The following KIF26B variants were observed in gnomAD, a reference collection of about 807,000 sequenced individuals.
KIF26B encodes the protein kinesin-like protein KIF26B.
In KIF26B, 63 loss-of-function variants were observed where a neutral mutation model predicts 151.2. That is an observed-to-expected ratio of 0.42 (90% confidence interval 0.34 to 0.51). The LOEUF is 0.51. KIF26B is among the 20% of genes least tolerant of loss of function. The probability of loss-of-function intolerance (pLI) is 0.07; values close to 1 mark genes in which losing one functional copy is unlikely to be tolerated. For synonymous variants in KIF26B, 1,357 were observed against 1,262.1 expected (o/e 1.08, Z -1.59); for missense variants, 2,813 against 2,913.6 (o/e 0.97, Z 0.79).
At chr1:245,659,570 T>C (rs1049714603) in intron 10 of KIF26B, among the ~76,000 whole-genome samples, 1 of 152,200 alleles carries the variant, frequency 6.6e-6, no homozygotes, top group African/African-American at 2.4e-5. Context: ...CCGGGTTATT[T>C]TGACAAATTT....
chr1:245,673,267 C>T (rs1172318907), intron 10 of KIF26B, among the ~76,000 whole-genome samples: 1 of 147,192 alleles, frequency 6.8e-6, no homozygotes, highest in African/African-American at 2.6e-5. Context: ...GCGCTGCCAT[C>T]TTAGGCCCAG....
At chr1:245,483,769 G>A (rs1660220219) in intron 4 of KIF26B, among the ~76,000 whole-genome samples, 1 of 151,750 alleles carries the variant, frequency 6.6e-6, no homozygotes. Flanking sequence ...ATTTTTGTCA[G>A]GTTTGGCAGA....
chr1:245,259,516 C>G (rs1169855689), intron 2 of KIF26B, among the ~76,000 whole-genome samples: 2 of 152,164 alleles, frequency 1.3e-5, no homozygotes, highest in Non-Finnish European at 2.9e-5. Context: ...TACTAAAGAA[C>G]AGGGGAGAGA....
At position 245,488,112 on chromosome 1, in the gene KIF26B, A is replaced by G. The variant is rs531476844; in HGVS notation, c.1167-52655A>G. On this transcript the variant is annotated intron_variant, in intron 4 of 14. Coordinates refer to ENST00000407071, the MANE Select transcript of KIF26B (RefSeq NM_018012.4). The surrounding 1 kb of genome is among the most constrained non-coding windows in gnomAD (Gnocchi z 4.6). The stretch of plus-strand genomic sequence containing the variant: ...CATGTATCTTTTTAAGTACAGGTGG[A>G]GGTCTCATTATGTTGCACAGGCTGG... 5.5e-3 allele frequency among the ~76,000 whole-genome samples: 834 copies of G among 152,106 alleles called. 1 individual carries two copies. Among genetic ancestry groups the G allele is most frequent in the Non-Finnish European group, 8.0e-3 (545 of 67,992 alleles).
rs1378160968 is a variant in KIF26B at position 245,280,596 on chromosome 1, CG to C, written c.466-86237del. ...GGAAAAGGGGTCCTTGGGAAGTTTT[CG>C]TTTTTTTTTTTTTTTTTTTTTTATA... On this transcript the variant is annotated intron_variant, in intron 2 of 14. Transcript: ENST00000407071. Among the ~76,000 whole-genome samples the C allele has an allele frequency of 1.5e-4, 10 of 64,570 alleles. 1 individual carries two copies. Among genetic ancestry groups the C allele is most frequent in the South Asian group, 1.2e-3 (2 of 1,726 alleles). The allele number at this position is 64,570 out of a possible 152,430, so 42.4% of individuals were successfully genotyped here.
At chr1:245,348,084 C>T (rs902740340) in intron 2 of KIF26B, among the ~76,000 whole-genome samples, 2 of 152,230 alleles carry the variant, frequency 1.3e-5, no homozygotes. Context: ...AGATCATTCC[C>T]TCCTTCCTGG....
chr1:245,315,795 C>T lies in KIF26B; in HGVS notation c.466-51039C>T, dbSNP rs1027222927. Among the ~76,000 whole-genome samples the T allele has an allele frequency of 7.3e-5, 11 of 151,590 alleles. No individual in the cohort carries two copies. The South Asian group carries it at 1.0e-3, about 14-fold the overall frequency. On this transcript the variant is annotated intron_variant, in intron 2 of 14. Transcript: ENST00000407071. ...TCCCAGATACTCAAGAGGCTGCTGACGTGGGAGGATTACTTGAGCCCCGTA... is the reference window on the plus strand; with the variant it reads ...TCCCAGATACTCAAGAGGCTGCTGATGTGGGAGGATTACTTGAGCCCCGTA...
intron 2 of KIF26B, among the ~76,000 whole-genome samples, chr1:245,312,192 G>A (rs773784823): frequency 2.6e-5 from 4 of 152,044 alleles, no homozygotes; most frequent in Non-Finnish European, 5.9e-5. Context: ...CTCCCTTCCC[G>A]CCAGGTAAAT....
chr1:245,465,485 A>G (rs1302670576), intron 4 of KIF26B, among the ~76,000 whole-genome samples: 3 of 152,080 alleles, frequency 2.0e-5, no homozygotes, highest in Non-Finnish European at 4.4e-5. Flanking sequence ...GCTTAGAGAG[A>G]TTCTATCGAC....
chr1:245,625,886 G>T (rs1007688290), intron 9 of KIF26B, among the ~76,000 whole-genome samples: 1 of 150,040 alleles, frequency 6.7e-6, no homozygotes, highest in East Asian at 2.0e-4. Context: ...TCCCACATAT[G>T]AGTGAGAACA....
Position 245,442,992 on chromosome 1 carries a change from GCGGT to G in KIF26B, c.1166+23249_1166+23252del, listed in dbSNP as rs1659149701. 1.3e-4 allele frequency among the ~76,000 whole-genome samples: 6 copies of G among 45,496 alleles called. 1 individual carries two copies. Among genetic ancestry groups the G allele is most frequent in the African/African-American group, 7.1e-4 (6 of 8,458 alleles). The allele number at this position is 45,496 out of a possible 152,430, so 29.8% of individuals were successfully genotyped here. On this transcript the variant is annotated intron_variant, in intron 4 of 14. Coordinates refer to ENST00000407071, the MANE Select transcript of KIF26B (RefSeq NM_018012.4). ...TCATCTCCCTCACTGTTCACCTAGA[GCGGT>G]CATCTCCCTCACTGTTCACCTAGAG...
At chr1:245,596,631 G>A (rs2043338329) in intron 5 of KIF26B, among the ~76,000 whole-genome samples, 1 of 152,194 alleles carries the variant, frequency 6.6e-6, no homozygotes, top group African/African-American at 2.4e-5. Flanking sequence ...GGGTTGGAGA[G>A]TTCTGTAGAT....
intron 4 of KIF26B, among the ~76,000 whole-genome samples, chr1:245,427,437 C>T (rs992134277): frequency 6.6e-6 from 1 of 152,092 alleles, no homozygotes; most frequent in Non-Finnish European, 1.5e-5. Flanking sequence ...GGAGAAACCC[C>T]GTCTCTACTA....
intron 5 of KIF26B, among the ~76,000 whole-genome samples, chr1:245,573,940 G>A (rs932915987): frequency 9.9e-5 from 15 of 152,186 alleles, no homozygotes; most frequent in Non-Finnish European, 1.9e-4. Flanking sequence ...ACACTACTCA[G>A]AATGGTGTGC....
chr1:245,511,760 T>C (rs1023655369), intron 4 of KIF26B, among the ~76,000 whole-genome samples: 1 of 152,228 alleles, frequency 6.6e-6, no homozygotes, highest in African/African-American at 2.4e-5. Context: ...CATTGCTAGT[T>C]TATACCAGTC....
intron 2 of KIF26B, among the ~76,000 whole-genome samples, chr1:245,327,664 G>A (rs1326089038): frequency 6.6e-6 from 1 of 152,134 alleles, no homozygotes; most frequent in African/African-American, 2.4e-5. Context: ...CCAGAGCTCT[G>A]TGTCCCTGGA....
At chr1:245,465,070 C>T (rs1357539203) in intron 4 of KIF26B, among the ~76,000 whole-genome samples, 1 of 148,178 alleles carries the variant, frequency 6.7e-6, no homozygotes, top group African/African-American at 2.5e-5. Flanking sequence ...GCTCCGCCTC[C>T]CGGGTTCACG....
intron 3 of KIF26B, among the ~76,000 whole-genome samples, chr1:245,389,866 C>A (rs924750781): frequency 1.3e-5 from 2 of 152,186 alleles, no homozygotes; most frequent in Non-Finnish European, 2.9e-5. Context: ...ATTCATCTCC[C>A]TATTTTAACA....
intron 2 of KIF26B, among the ~76,000 whole-genome samples, chr1:245,198,954 G>T: frequency 6.6e-6 from 1 of 152,024 alleles, no homozygotes; most frequent in African/African-American, 2.4e-5. Flanking sequence ...GTCGGGGGAG[G>T]CGGGAGAGTG....
Sources: gnomAD v4.1 joint callset for allele counts (sites outside exome capture counted in the v4.1 genomes callset) on GRCh38, gnomAD v4.1.1 for gene constraint, Gnocchi (gnomAD v3.1) non-coding constraint, MANE v1.5 for transcripts, NCBI Gene and HGNC (gene_info 2026-07-23, HGNC 2026-07-21) for gene names.